The following TBC1D5 variants were observed in gnomAD, a reference collection of about 807,000 sequenced individuals.
The protein encoded by TBC1D5 is TBC1 domain family, member 5.
A neutral mutation model predicts 100.3 loss-of-function variants in TBC1D5; 75 were observed. The observed-to-expected ratio is 0.75, with a 90% CI of 0.62 to 0.91. The LOEUF is 0.91. Ranked by LOEUF, TBC1D5 falls within the 40% of genes least tolerant of loss-of-function variation. The pLI, the probability that TBC1D5 is intolerant of heterozygous loss-of-function variation, is 0.00. For missense variants in TBC1D5, 910 were observed against 942.4 expected (o/e 0.97, Z 0.45); for synonymous variants, 323 against 325.6 (o/e 0.99, Z 0.09).
intron 4 of TBC1D5, among the ~76,000 whole-genome samples, chr3:17,426,919 C>A (rs973405256): frequency 4.6e-5 from 7 of 151,892 alleles, no homozygotes; most frequent in African/African-American, 1.7e-4. Flanking sequence ...CGTGTTTATA[C>A]CTAATAAATT....
intron 13 of TBC1D5, among the ~76,000 whole-genome samples, chr3:17,350,253 A>AC (rs1165099414): frequency 1.3e-5 from 2 of 152,172 alleles, no homozygotes; most frequent in Non-Finnish European, 2.9e-5. Flanking sequence ...AAAAGAAAAA[A>AC]ATAGATAAGA....
At chr3:17,178,090 G>C (rs1413687339) in intron 19 of TBC1D5, among the ~76,000 whole-genome samples, 1 of 128,512 alleles carries the variant, frequency 7.8e-6, no homozygotes, top group Non-Finnish European at 1.6e-5. Context: ...TTTTGAGATG[G>C]AGTCTCGCTC....
chr3:17,425,065 C>T (rs540646839), intron 4 of TBC1D5, among the ~76,000 whole-genome samples: 21 of 151,966 alleles, frequency 1.4e-4, no homozygotes, highest in Non-Finnish European at 3.1e-4. Flanking sequence ...ATATTTTTTC[C>T]TTTTGGTATA....
chr3:17,576,777 T>C (rs1228712109), intron 2 of TBC1D5, among the ~76,000 whole-genome samples: 1 of 151,996 alleles, frequency 6.6e-6, no homozygotes. Flanking sequence ...AGACATCAAT[T>C]CCACTACAGA....
At chr3:17,693,298 T>G (rs1379383647) in intron 1 of TBC1D5, among the ~76,000 whole-genome samples, 1 of 152,304 alleles carries the variant, frequency 6.6e-6, no homozygotes, top group African/African-American at 2.4e-5. Context: ...AACCGGGAAG[T>G]GCAAGGGGTC....
chr3:17,705,054 A>AC (rs1295902849), intron 1 of TBC1D5, among the ~76,000 whole-genome samples: 1 of 88,580 alleles, frequency 1.1e-5, no homozygotes, highest in African/African-American at 4.5e-5. Flanking sequence ...CGGGGGGCTG[A>AC]CCCCCCCACC....
intron 2 of TBC1D5, among the ~76,000 whole-genome samples, chr3:17,613,228 T>C (rs148437375): frequency 0.017 from 2,523 of 152,324 alleles, 52 homozygotes; most frequent in South Asian, 0.047. Flanking sequence ...TCATTGTTTA[T>C]GGCTGCATAG....
Position 17,372,248 on chromosome 3 carries a change from C to A in TBC1D5, c.823-1G>T. 1 of 1,596,036 alleles carries A rather than the reference C, an allele frequency of 6.3e-7. No homozygotes were observed. Among genetic ancestry groups the A allele is most frequent in the Non-Finnish European group, 8.5e-7 (1 of 1,171,670 alleles). On this transcript the variant is annotated splice_acceptor_variant, in intron 12 of 21. Transcript: ENST00000253692. LOFTEE classifies it high-confidence loss of function. ...TGGGAGTCATCAGTGTTTCTTTCCC[C>A]TAAAAACAGAAAAATTGAACATGTA...
At chr3:17,597,620 A>G (rs1449080619) in intron 2 of TBC1D5, among the ~76,000 whole-genome samples, 1 of 152,194 alleles carries the variant, frequency 6.6e-6, no homozygotes, top group Non-Finnish European at 1.5e-5. Flanking sequence ...GTAATGACAT[A>G]AGTCTGTCCC....
chr3:17,413,390 G>C (rs1467793806), intron 4 of TBC1D5, among the ~76,000 whole-genome samples: 1 of 152,138 alleles, frequency 6.6e-6, no homozygotes, highest in Non-Finnish European at 1.5e-5. Flanking sequence ...AGCAGGAATT[G>C]ATACCTTCCC....
At chr3:17,671,246 A>C (rs1279100685) in intron 1 of TBC1D5, among the ~76,000 whole-genome samples, 1 of 152,236 alleles carries the variant, frequency 6.6e-6, no homozygotes, top group African/African-American at 2.4e-5. Flanking sequence ...GAAGGACTCA[A>C]AGTCAGCAAC....
chr3:17,476,408 C>T (rs1334362957), intron 3 of TBC1D5, among the ~76,000 whole-genome samples: 1 of 151,956 alleles, frequency 6.6e-6, no homozygotes, highest in African/African-American at 2.4e-5. Context: ...CATTCTTTCA[C>T]CACTGATCTA....
At position 17,698,638 on chromosome 3, in the gene TBC1D5, T is replaced by C. The variant is rs2153857729; in HGVS notation, c.-101+40705A>G. Among the ~76,000 whole-genome samples the C allele has an allele frequency of 2.7e-5, 4 of 146,888 alleles. No individual in the cohort carries two copies. The Middle Eastern group carries it at 0.014, about 507-fold the overall frequency. Reference sequence around the variant, plus strand: ...AAAATGGGAGAAAATTTTCGCAACCTACTCATCTGACAAAGGGCTAATATC... The same window carrying C: ...AAAATGGGAGAAAATTTTCGCAACCCACTCATCTGACAAAGGGCTAATATC... On this transcript the variant is annotated intron_variant, in intron 1 of 21. Coordinates refer to ENST00000253692, the Ensembl canonical transcript of TBC1D5.
At chr3:17,567,955 T>C (rs2096603507) in intron 2 of TBC1D5, among the ~76,000 whole-genome samples, 1 of 151,588 alleles carries the variant, frequency 6.6e-6, no homozygotes, top group African/African-American at 2.4e-5. Context: ...TACACAAAAC[T>C]AATTAAAAAC....
chr3:17,732,578 A>G (rs2076653339), intron 1 of TBC1D5, among the ~76,000 whole-genome samples: 1 of 151,534 alleles, frequency 6.6e-6, no homozygotes, highest in Non-Finnish European at 1.5e-5. Context: ...AACTCTACTA[A>G]AAATACAAAA....
intron 18 of TBC1D5, among the ~76,000 whole-genome samples, chr3:17,204,842 G>A (rs961744640): frequency 8.5e-5 from 13 of 152,082 alleles, no homozygotes; most frequent in African/African-American, 3.1e-4. Flanking sequence ...AAAATAGAGG[G>A]CTTTTAATGA....
In TBC1D5 at chr3:17,489,836, G is replaced by T. The variant is rs529375635; in HGVS notation, c.97+18638C>A. On this transcript the variant is annotated intron_variant, in intron 3 of 21. Coordinates refer to ENST00000253692, the Ensembl canonical transcript of TBC1D5. ...TGAACATATGTGTGCATGTATCGTT[G>T]TAATAGATTGATTTATATTCCTTCA... Among the ~76,000 whole-genome samples the T allele has an allele frequency of 3.3e-5, 5 of 152,260 alleles. No homozygotes were observed. In the South Asian group the frequency reaches 1.0e-3, roughly 32 times the overall value.
chr3:17,684,396 CTA>C (rs1302374263), intron 1 of TBC1D5, among the ~76,000 whole-genome samples: 2 of 152,044 alleles, frequency 1.3e-5, no homozygotes, highest in Non-Finnish European at 2.9e-5. Flanking sequence ...GCCATTTTCA[CTA>C]TATTTCAGTA....
intron 9 of TBC1D5, among the ~76,000 whole-genome samples, chr3:17,380,912 G>A (rs1291148392): frequency 1.3e-5 from 2 of 151,986 alleles, no homozygotes; most frequent in African/African-American, 4.8e-5. Flanking sequence ...CAATATGGTC[G>A]ATGTTTAACA....
Sources: allele counts gnomAD v4.1 joint callset (sites outside exome capture counted in the v4.1 genomes callset), GRCh38; gene constraint gnomAD v4.1.1; transcripts MANE v1.5; gene names NCBI Gene and HGNC (gene_info 2026-07-23, HGNC 2026-07-21).